FRMD4A: variants seen among roughly 807,000 people sequenced by gnomAD.
FRMD4A encodes FERM domain containing 4A, also known as FERM domain-containing protein 4A.
In FRMD4A, 29 loss-of-function variants were observed where a neutral mutation model predicts 129.1. The observed-to-expected ratio is 0.22, with a 90% CI of 0.17 to 0.31. FRMD4A has a LOEUF of 0.31. Ranked by LOEUF, FRMD4A falls within the 10% of genes least tolerant of loss-of-function variation. FRMD4A has a pLI of 1.00. For synonymous variants in FRMD4A, 634 were observed against 571.6 expected (o/e 1.11, Z -1.56); for missense variants, 1,272 against 1,375.8 (o/e 0.92, Z 1.19).
At chr10:13,989,708 A>T (rs2095596657) in intron 2 of FRMD4A, among the ~76,000 whole-genome samples, 1 of 152,196 alleles carries the variant, frequency 6.6e-6, no homozygotes, top group Admixed American at 6.5e-5. Context: ...AAATGGAAGC[A>T]GGGAGACAGC....
At chr10:14,038,869 T>A (rs1432197985) in intron 2 of FRMD4A, among the ~76,000 whole-genome samples, 2 of 152,200 alleles carry the variant, frequency 1.3e-5, no homozygotes, top group Non-Finnish European at 2.9e-5. Context: ...CCTGCGAATC[T>A]GATTAGGTTT....
chr10:13,945,175 G>A (rs1314908333), intron 2 of FRMD4A, among the ~76,000 whole-genome samples: 3 of 152,164 alleles, frequency 2.0e-5, no homozygotes, highest in Non-Finnish European at 4.4e-5. Context: ...TGAATGAACA[G>A]GGGCATAAAA....
intron 2 of FRMD4A, among the ~76,000 whole-genome samples, chr10:13,963,480 A>G (rs749463745): frequency 2.0e-5 from 3 of 152,152 alleles, no homozygotes; most frequent in Non-Finnish European, 2.9e-5. Flanking sequence ...TGGTTGGGTC[A>G]TGGTAGAATC....
At chr10:14,143,832 C>T (rs1244427852) in intron 2 of FRMD4A, among the ~76,000 whole-genome samples, 1 of 152,094 alleles carries the variant, frequency 6.6e-6, no homozygotes, top group Non-Finnish European at 1.5e-5. Flanking sequence ...TGGTCTTGAA[C>T]TTCTGACCTC....
At chr10:13,679,129 C>T (rs2084253065) in intron 15 of FRMD4A, among the ~76,000 whole-genome samples, 2 of 151,840 alleles carry the variant, frequency 1.3e-5, no homozygotes, top group African/African-American at 4.8e-5. Context: ...TTTTAAAAAA[C>T]ACATAGTGTT....
intron 2 of FRMD4A, among the ~76,000 whole-genome samples, chr10:14,315,567 G>T (rs921919368): frequency 1.3e-5 from 2 of 152,254 alleles, no homozygotes; most frequent in African/African-American, 4.8e-5. Flanking sequence ...ATGCAAATCT[G>T]ATTATTTTGT....
chr10:13,768,377 G>A (rs907038387), intron 6 of FRMD4A, among the ~76,000 whole-genome samples: 2 of 152,154 alleles, frequency 1.3e-5, no homozygotes, highest in African/African-American at 2.4e-5. Context: ...CTTGGTGGTG[G>A]TCTTTACATT....
intron 3 of FRMD4A, among the ~76,000 whole-genome samples, chr10:13,836,533 G>T (rs1011560068): frequency 6.6e-6 from 1 of 152,140 alleles, no homozygotes; most frequent in Non-Finnish European, 1.5e-5. Flanking sequence ...GGAGCCACCC[G>T]TTACCCCTAG....
intron 2 of FRMD4A, among the ~76,000 whole-genome samples, chr10:13,902,796 C>T (rs140678381): frequency 0.012 from 1,807 of 149,650 alleles, 38 homozygotes; most frequent in African/African-American, 0.042. Context: ...GCCAAGATCA[C>T]GCCACTGCAC....
intron 2 of FRMD4A, among the ~76,000 whole-genome samples, chr10:14,228,568 T>C (rs1843526211): frequency 6.6e-6 from 1 of 152,242 alleles, no homozygotes; most frequent in Non-Finnish European, 1.5e-5. Flanking sequence ...TGAGAAAATC[T>C]TGTTTAGTTA....
chr10:13,736,057 C>A (rs1564714462), intron 12 of FRMD4A, among the ~76,000 whole-genome samples: 1 of 152,144 alleles, frequency 6.6e-6, no homozygotes, highest in Non-Finnish European at 1.5e-5. Flanking sequence ...AAGGCTGAGG[C>A]ATGAGAATCG....
chr10:13,701,217 G>C, intron 14 of FRMD4A, 123 bp downstream of exon 14: 1 of 816,472 alleles, frequency 1.2e-6, no homozygotes. Flanking sequence ...AGGCAAGCCT[G>C]TATCTGTGCA....
At chr10:14,088,049 CTACTT>C (rs957758848) in intron 2 of FRMD4A, among the ~76,000 whole-genome samples, 1 of 152,100 alleles carries the variant, frequency 6.6e-6, no homozygotes, top group African/African-American at 2.4e-5. Context: ...CTAACAGAGC[CTACTT>C]TACTTAGGAA....
chr10:13,707,406 G>A (rs1175670473), intron 12 of FRMD4A: 5 of 1,095,684 alleles, frequency 4.6e-6, no homozygotes, highest in Non-Finnish European at 5.6e-6. Context: ...TGGTTTGGTC[G>A]TGGCAGTCCC....
chr10:14,304,818 T>C (rs1846293289), intron 2 of FRMD4A, among the ~76,000 whole-genome samples: 1 of 152,202 alleles, frequency 6.6e-6, no homozygotes, highest in Admixed American at 6.5e-5. Flanking sequence ...CAGAACTCAC[T>C]CCACCAGTGG....
At chr10:14,126,068 C>T (rs1208932960) in intron 2 of FRMD4A, among the ~76,000 whole-genome samples, 2 of 152,074 alleles carry the variant, frequency 1.3e-5, no homozygotes, top group African/African-American at 2.4e-5. Flanking sequence ...TCCATCCATC[C>T]GTCCAACCAT....
rs1202129004 is a variant in FRMD4A at position 13,666,160 on chromosome 10, T to C, written c.1540A>G (p.Ile514Val). Residue 514 changes from isoleucine to valine, a missense_variant, in exon 18 of 25, where the codon ATC becomes GTC. Physicochemically the swap from Ile to Val is conservative, Grantham distance 29. This residue lies in a region of FRMD4A where 972 missense variants were observed against 892.3 expected (regional missense o/e 1.09). Coordinates refer to ENST00000357447, the MANE Select transcript of FRMD4A (RefSeq NM_018027.5). ...LKKLQEIENA[I>V]NENRIKSGKK... ...CCAGACTTGATGCGGTTCTCATTGA[T>C]TGCATTTTCAATCTCCTGCAGTTTC... The C allele has an allele frequency of 6.2e-6, 10 of 1,613,598 alleles. No individual in the cohort carries two copies. In the African/African-American group the frequency reaches 6.7e-5, roughly 11 times the overall value.
chr10:14,235,377 T>C (rs1012012564), intron 2 of FRMD4A, among the ~76,000 whole-genome samples: 3 of 151,732 alleles, frequency 2.0e-5, no homozygotes, highest in Non-Finnish European at 4.4e-5. Context: ...CTCGATCTCC[T>C]GACCTCGCGA....
At chr10:14,179,075 GC>G (rs1841826002) in intron 2 of FRMD4A, among the ~76,000 whole-genome samples, 1 of 152,142 alleles carries the variant, frequency 6.6e-6, no homozygotes, top group South Asian at 2.1e-4. Flanking sequence ...CGTCACAAAG[GC>G]TGTTGGGTAG....
Sources: allele counts gnomAD v4.1 joint callset (sites outside exome capture counted in the v4.1 genomes callset), GRCh38; gene constraint gnomAD v4.1.1; regional missense constraint gnomAD v4.1.1; transcripts MANE v1.5; gene names NCBI Gene and HGNC (gene_info 2026-07-23, HGNC 2026-07-21).